Variants in CUX2 observed in about 807,000 individuals in gnomAD.
CUX2 encodes the protein cut like homeobox 2.
Under a neutral mutation model 144.8 loss-of-function variants are expected in CUX2, and 40 were observed. The ratio of observed to expected loss-of-function variants is 0.28; its 90% confidence interval spans 0.21 to 0.36. The LOEUF (loss-of-function observed/expected upper bound fraction) is 0.36. CUX2 is among the 10% of genes least tolerant of loss of function. The pLI is 1.00. For missense variants in CUX2, 1,615 were observed against 1,994.0 expected, an observed-to-expected ratio of 0.81 and a Z score of 3.62; for synonymous variants, 827 against 875.6, an observed-to-expected ratio of 0.94 and a Z score of 0.98.
Position 111,312,270 on chromosome 12 carries a change from G to A in CUX2, c.2002+69G>A, listed in dbSNP as rs543079033. On this transcript the variant is annotated intron_variant, in intron 16 of 21. Coordinates refer to ENST00000261726, the MANE Select transcript of CUX2 (RefSeq NM_015267.4). This position sits in a 1 kb window ranked among gnomAD's most constrained non-coding sequence, Gnocchi z 4.3. ...AGCTGCGAACAGGAGATGAGGCTTC[G>A]TCTACCTTTGTCCACCCCAGAGGGA... 1.7e-4 allele frequency: 228 copies of A among 1,359,474 alleles called. 1 individual carries two copies. Among genetic ancestry groups the A allele is most frequent in the Admixed American group, 9.7e-4 (46 of 47,610 alleles). 84.2% of individuals were successfully genotyped at this position (1,359,474 alleles called of 1,614,324 possible).
At chr12:111,224,003 G>A (rs1457951014) in intron 3 of CUX2, among the ~76,000 whole-genome samples, 6 of 152,282 alleles carry the variant, frequency 3.9e-5, no homozygotes, top group African/African-American at 1.4e-4. Flanking sequence ...AATGGCTTGA[G>A]ACTACTGTAA....
intron 1 of CUX2, among the ~76,000 whole-genome samples, chr12:111,070,927 T>C (rs567749371): frequency 1.3e-5 from 2 of 152,346 alleles, no homozygotes; most frequent in Admixed American, 1.3e-4. Context: ...CCATGTGTTT[T>C]CCTGGCTTTT....
In CUX2 at chr12:111,289,878, G is replaced by A. The variant is rs1767312846; in HGVS notation, c.302-1540G>A. 6.6e-6 allele frequency among the ~76,000 whole-genome samples: 1 copy of A among 152,126 alleles called. No homozygotes were observed. Reference sequence around the variant, plus strand: ...GGAAGGCTGGGAGAGCTCGCGGAGAGGTGGGGCAGCTGCCTGGGAGCATCT... The same window carrying A: ...GGAAGGCTGGGAGAGCTCGCGGAGAAGTGGGGCAGCTGCCTGGGAGCATCT... On this transcript the variant is annotated intron_variant, in intron 4 of 21. Coordinates refer to ENST00000261726, the MANE Select transcript of CUX2 (RefSeq NM_015267.4). This position sits in a 1 kb window ranked among gnomAD's most constrained non-coding sequence, Gnocchi z 4.1.
At chr12:111,050,833 T>C (rs954774490) in intron 1 of CUX2, among the ~76,000 whole-genome samples, 2 of 152,344 alleles carry the variant, frequency 1.3e-5, no homozygotes, top group South Asian at 4.1e-4. Context: ...AAGAATTTTT[T>C]AATAGAAGTT....
Position 111,350,262 on chromosome 12 carries a change from C to A in CUX2, c.*1937C>A, listed in dbSNP as rs767150057. 3 of 152,478 alleles carry A rather than the reference C, an allele frequency of 2.0e-5. No individual in the cohort carries two copies. The highest frequency in any genetic ancestry group is 2.0e-4 in the Admixed American group (3 of 15,282). The allele number at this position is 152,478 out of a possible 1,614,324, so 9.4% of individuals were successfully genotyped here. A position where few individuals can be genotyped will look rare whatever the true frequency, so the allele number is the denominator to read the frequency against. Reference sequence around the variant, plus strand: ...CTTTTTACTGTTGAAACCAACACAACGTTGAAATCCAGGCTTATACGCAGA... The same window carrying A: ...CTTTTTACTGTTGAAACCAACACAAAGTTGAAATCCAGGCTTATACGCAGA... On this transcript the variant is annotated 3_prime_UTR_variant, in exon 22 of 22. Transcript: ENST00000261726.
At chr12:111,046,771 C>G (rs1022871534) in intron 1 of CUX2, among the ~76,000 whole-genome samples, 11 of 152,192 alleles carry the variant, frequency 7.2e-5, no homozygotes, top group African/African-American at 2.4e-4. Flanking sequence ...ATTCGCCTGC[C>G]TCAGCCTCCT....
rs963502367 is a variant in CUX2, at chr12:111,037,108, C to A, written c.63+2868C>A. 3.3e-5 allele frequency among the ~76,000 whole-genome samples: 5 copies of A among 152,174 alleles called. No homozygotes were observed. Among genetic ancestry groups the A allele is most frequent in the South Asian group, 4.1e-4 (2 of 4,822 alleles). On this transcript the variant is annotated intron_variant, in intron 1 of 21. Transcript: ENST00000261726. This position sits in a 1 kb window ranked among gnomAD's most constrained non-coding sequence, Gnocchi z 5.4. Reference sequence around the variant, plus strand: ...AACTTCTGCCGGCTTTTTCTGAGATCCAGGTAGGAGAGGCAGGTCCCCGTG... The same window carrying A: ...AACTTCTGCCGGCTTTTTCTGAGATACAGGTAGGAGAGGCAGGTCCCCGTG...
intron 1 of CUX2, among the ~76,000 whole-genome samples, chr12:111,179,531 T>C (rs1329801740): frequency 2.0e-5 from 3 of 152,108 alleles, no homozygotes; most frequent in African/African-American, 7.2e-5. Flanking sequence ...GTTGAGAGGA[T>C]TGAATGGGTT....
chr12:111,126,578 G>C lies in CUX2; in HGVS notation c.64-87622G>C, dbSNP rs1311020986. Among the ~76,000 whole-genome samples, 3 of 152,202 alleles carry C rather than the reference G, an allele frequency of 2.0e-5. No homozygotes were observed. In the East Asian group the frequency reaches 5.8e-4, roughly 29 times the overall value. The stretch of plus-strand genomic sequence containing the variant: ...GAGGAACTTCCTCTTACCCGAGGGA[G>C]GGTCAGCTTTTCTGTTCTGTTCAGG... On this transcript the variant is annotated intron_variant, in intron 1 of 21. Transcript: ENST00000261726.
chr12:111,091,999 C>T (rs1051903406), intron 1 of CUX2, among the ~76,000 whole-genome samples: 2 of 152,242 alleles, frequency 1.3e-5, no homozygotes, highest in African/African-American at 2.4e-5. Flanking sequence ...GGACTGCAGG[C>T]ATGAGCCACT....
At chr12:111,184,075 C>T (rs915989913) in intron 1 of CUX2, among the ~76,000 whole-genome samples, 3 of 152,170 alleles carry the variant, frequency 2.0e-5, no homozygotes, top group Admixed American at 6.5e-5. Flanking sequence ...GAGGCAGTCC[C>T]TTGCGGGGTT....
chr12:111,207,244 C>T (rs1445848415), intron 1 of CUX2, among the ~76,000 whole-genome samples: 1 of 152,164 alleles, frequency 6.6e-6, no homozygotes, highest in Non-Finnish European at 1.5e-5. Flanking sequence ...ATACAAAAGA[C>T]ATGTTAGGGT....
At chr12:111,175,361 T>A (rs887555946) in intron 1 of CUX2, among the ~76,000 whole-genome samples, 3 of 91,280 alleles carry the variant, frequency 3.3e-5, no homozygotes, top group Non-Finnish European at 6.6e-5. Flanking sequence ...TTTTTTTTTT[T>A]ACACTTTTCC....
chr12:111,134,598 C>G (rs1875723469), intron 1 of CUX2, among the ~76,000 whole-genome samples: 1 of 143,794 alleles, frequency 7.0e-6, no homozygotes, highest in African/African-American at 2.8e-5. Context: ...ATCTCTTTCT[C>G]TCTCTCTCTC....
chr12:111,149,365 A>G (rs1474621081), intron 1 of CUX2, among the ~76,000 whole-genome samples: 1 of 152,120 alleles, frequency 6.6e-6, no homozygotes, highest in East Asian at 1.9e-4. Context: ...ACCCTAGACC[A>G]TCCTAGAATG....
At chr12:111,126,966 CTT>C (rs763367091) in intron 1 of CUX2, among the ~76,000 whole-genome samples, 10 of 152,318 alleles carry the variant, frequency 6.6e-5, no homozygotes, top group Non-Finnish European at 1.3e-4. Context: ...GATGTTTACT[CTT>C]TTCCTTGATA....
chr12:111,117,476 A>C (rs2136090491), intron 1 of CUX2, among the ~76,000 whole-genome samples: 1 of 152,348 alleles, frequency 6.6e-6, no homozygotes, highest in Middle Eastern at 3.4e-3. Context: ...GGCCAAAACT[A>C]GCAACTTGGC....
intron 4 of CUX2, among the ~76,000 whole-genome samples, chr12:111,273,294 T>A (rs1884713996): frequency 6.6e-6 from 1 of 152,100 alleles, no homozygotes; most frequent in African/African-American, 2.4e-5. Flanking sequence ...AGATACAAAT[T>A]CACTGATTCC....
In CUX2 at chr12:111,071,716, G is replaced by A. The variant is rs986378495; in HGVS notation, c.63+37476G>A. On this transcript the variant is annotated intron_variant, in intron 1 of 21. Coordinates refer to ENST00000261726, the MANE Select transcript of CUX2 (RefSeq NM_015267.4). Reference sequence around the variant, plus strand: ...CAGATTTTCCTATGTTATCTTCTGGGAGTTTTATAGTTTTGCATTTTACAT... The same window carrying A: ...CAGATTTTCCTATGTTATCTTCTGGAAGTTTTATAGTTTTGCATTTTACAT... Among the ~76,000 whole-genome samples, 3 of 152,300 alleles carry A rather than the reference G, an allele frequency of 2.0e-5. No individual in the cohort carries two copies. In the South Asian group the frequency reaches 6.2e-4, roughly 32 times the overall value.
Sources: gnomAD v4.1 joint callset for allele counts (sites outside exome capture counted in the v4.1 genomes callset) on GRCh38, gnomAD v4.1.1 for gene constraint, Gnocchi (gnomAD v3.1) non-coding constraint, MANE v1.5 for transcripts, NCBI Gene and HGNC (gene_info 2026-07-23, HGNC 2026-07-21) for gene names.